The following MSR1 variants were observed in gnomAD, a reference collection of about 807,000 sequenced individuals.
The protein encoded by MSR1 is macrophage scavenger receptor types I and II.
A neutral mutation model predicts 47.2 loss-of-function variants in MSR1; 53 were observed. That is an observed-to-expected ratio of 1.12 (90% CI 0.90 to 1.41). MSR1 has a LOEUF of 1.41. MSR1 is among the 40% of genes most tolerant of loss of function. MSR1 has a pLI of 0.00. For missense variants in MSR1, 786 were observed against 546.9 expected (o/e 1.44, Z -4.36); for synonymous variants, 239 against 185.6 (o/e 1.29, Z -2.34).
intron 8 of MSR1, among the ~76,000 whole-genome samples, chr8:16,138,811 T>C (rs1300008428): frequency 6.6e-6 from 1 of 152,142 alleles, no homozygotes; most frequent in East Asian, 1.9e-4. Context: ...TAGTCAGGAG[T>C]ATCTGAACAA....
intron 8 of MSR1, chr8:16,140,814 A>C: frequency 6.5e-7 from 1 of 1,529,820 alleles, no homozygotes; most frequent in Non-Finnish European, 8.7e-7. Flanking sequence ...GCATGGGAGC[A>C]GAGGCCCAAA....
In MSR1 at chr8:16,141,086, T is replaced by C. The variant is rs753381286; in HGVS notation, c.1033+2472A>G. The C allele has an allele frequency of 8.1e-6, 13 of 1,607,530 alleles. No individual in the cohort carries two copies. In the African/African-American group the frequency reaches 1.5e-4, roughly 18 times the overall value. ...AGGAGGAAATTAATTATTTTTAACATATTTTCAGAAAGCCTTACAAAATTT... is the reference window on the plus strand; with the variant it reads ...AGGAGGAAATTAATTATTTTTAACACATTTTCAGAAAGCCTTACAAAATTT... On this transcript the variant is annotated intron_variant, in intron 8 of 9. Transcript: ENST00000262101.
intron 4 of MSR1, among the ~76,000 whole-genome samples, chr8:16,168,123 CAG>C (rs1801369754): frequency 6.6e-6 from 1 of 151,898 alleles, no homozygotes; most frequent in Non-Finnish European, 1.5e-5. Context: ...TTCACACATA[CAG>C]AGTGTTCACT....
intron 3 of MSR1, among the ~76,000 whole-genome samples, chr8:16,174,835 T>A (rs569143525): frequency 1.3e-5 from 2 of 152,202 alleles, no homozygotes; most frequent in African/African-American, 4.8e-5. Flanking sequence ...CTTCTTCACA[T>A]TGGCAAAATG....
chr8:16,152,162 T>C (rs957255072), intron 6 of MSR1, among the ~76,000 whole-genome samples: 8 of 152,180 alleles, frequency 5.3e-5, no homozygotes, highest in African/African-American at 1.7e-4. Context: ...AATTTAGTTT[T>C]ATTAAATGAT....
chr8:16,177,800 T>C, intron 2 of MSR1, 86 bp downstream of exon 2: 1 of 1,018,076 alleles, frequency 9.8e-7, no homozygotes, highest in Middle Eastern at 2.0e-4. Context: ...CACTTACATT[T>C]AAGGTAAGTC....
intron 8 of MSR1, among the ~76,000 whole-genome samples, chr8:16,130,021 A>C (rs936711186): frequency 7.2e-5 from 11 of 152,192 alleles, no homozygotes; most frequent in African/African-American, 2.7e-4. Flanking sequence ...GCATTCCTGC[A>C]CATAATTGCA....
Position 16,109,836 on chromosome 8 carries a change from G to C in MSR1, c.*249C>G, listed in dbSNP as rs1021177899. On this transcript the variant is annotated 3_prime_UTR_variant, in exon 10 of 10. Transcript: ENST00000262101. ...ATCTGGAAGCTATAAACTTCAAAAT[G>C]TTCAATTCAGCATATAAGTCATTAT... is the stretch of plus-strand genomic sequence containing the variant. The C allele has an allele frequency of 6.0e-6, 3 of 496,040 alleles. No individual in the cohort carries two copies. Among genetic ancestry groups the C allele is most frequent in the East Asian group, 3.7e-5 (1 of 27,002 alleles). 30.7% of individuals were successfully genotyped at this position (496,040 alleles called of 1,614,324 possible).
chr8:16,157,771 C>A (rs546434639), intron 5 of MSR1, among the ~76,000 whole-genome samples: 1 of 151,958 alleles, frequency 6.6e-6, no homozygotes, highest in Non-Finnish European at 1.5e-5. Context: ...TTGTAGCTCA[C>A]GTCTTCACCA....
chr8:16,164,110 CT>C lies in MSR1; in HGVS notation c.771del (p.Asp258IlefsTer8). ...LNNITNDLRL[K>X]DWEHSQTLRN... ...CTCAAGGTCTGAGAATGTTCCCAAT[CT>C]TTCAGTCTGAGATCATTAGTGATGT... On this transcript the variant is annotated frameshift_variant, in exon 5 of 10. Transcript: ENST00000262101. LOFTEE classifies it high-confidence loss of function. 6.2e-7 allele frequency: 1 copy of C among 1,611,136 alleles called. No individual in the cohort carries two copies. Among genetic ancestry groups the C allele is most frequent in the Non-Finnish European group, 8.5e-7 (1 of 1,178,176 alleles).
intron 5 of MSR1, among the ~76,000 whole-genome samples, chr8:16,161,782 T>C (rs1256897856): frequency 6.6e-6 from 1 of 152,046 alleles, no homozygotes; most frequent in African/African-American, 2.4e-5. Flanking sequence ...GGGACTTGTT[T>C]TTATTCTTTT....
At chr8:16,175,422 A>G (rs12541118) in intron 2 of MSR1, 122 bp from the exon 3 acceptor site, 6 of 857,368 alleles carry the variant, frequency 7.0e-6, no homozygotes, top group South Asian at 1.6e-5. Flanking sequence ...AAGAAGAAAA[A>G]ATGTTCCACA....
chr8:16,122,290 G>A (rs565638271), intron 8 of MSR1, among the ~76,000 whole-genome samples: 1 of 152,112 alleles, frequency 6.6e-6, no homozygotes, highest in East Asian at 1.9e-4. Context: ...TAAAGAAAAC[G>A]AGAAAGAAAA....
At chr8:16,166,164 C>CTTT (rs397892292) in intron 4 of MSR1, among the ~76,000 whole-genome samples, 15 of 71,260 alleles carry the variant, frequency 2.1e-4, no homozygotes, top group African/African-American at 5.6e-4. Flanking sequence ...CTTTTTCTTT[C>CTTT]TTTTTTTTTT....
intron 3 of MSR1, among the ~76,000 whole-genome samples, chr8:16,173,017 T>C (rs901185941): frequency 6.6e-6 from 1 of 152,136 alleles, no homozygotes; most frequent in African/African-American, 2.4e-5. Context: ...TGTAAGTGGA[T>C]TGTGAATTGT....
intron 3 of MSR1, among the ~76,000 whole-genome samples, chr8:16,171,608 T>C (rs535050823): frequency 2.6e-5 from 4 of 152,278 alleles, no homozygotes; most frequent in South Asian, 2.1e-4. Flanking sequence ...TTATATACTA[T>C]GTGGAAAGTA....
At chr8:16,160,936 A>G (rs936913260) in intron 5 of MSR1, among the ~76,000 whole-genome samples, 1 of 151,852 alleles carries the variant, frequency 6.6e-6, no homozygotes, top group Non-Finnish European at 1.5e-5. Flanking sequence ...TAATGAGAAG[A>G]CATTGGAGGA....
At chr8:16,119,948 T>G (rs750222578) in intron 9 of MSR1, among the ~76,000 whole-genome samples, 1 of 150,172 alleles carries the variant, frequency 6.7e-6, no homozygotes, top group Admixed American at 6.7e-5. Flanking sequence ...ACTCATTTAT[T>G]CCAGTGATCT....
rs1291924123 is a variant in MSR1, at chr8:16,121,091, A to G, written c.1034-485T>C. 3 of 397,920 alleles carry G rather than the reference A, an allele frequency of 7.5e-6. No homozygotes were observed. In the Admixed American group the frequency reaches 1.0e-4, roughly 13 times the overall value. 24.6% of individuals were successfully genotyped at this position (397,920 alleles called of 1,614,324 possible). Reference sequence around the variant, plus strand: ...ACACAAAAATAGGTGATCAAACTTCATATCTTTTCCCAAGGGAAACAAGGG... The same window carrying G: ...ACACAAAAATAGGTGATCAAACTTCGTATCTTTTCCCAAGGGAAACAAGGG... On this transcript the variant is annotated intron_variant, in intron 8 of 9. Coordinates refer to ENST00000262101, the MANE Select transcript of MSR1 (RefSeq NM_138715.3).
Sources: gnomAD v4.1 joint callset for allele counts (sites outside exome capture counted in the v4.1 genomes callset) on GRCh38, gnomAD v4.1.1 for gene constraint, MANE v1.5 for transcripts, NCBI Gene and HGNC (gene_info 2026-07-23, HGNC 2026-07-21) for gene names.